TIMP3: variants seen among roughly 807,000 people sequenced by gnomAD.
The protein encoded by TIMP3 is metalloproteinase inhibitor 3.
In TIMP3, 11 loss-of-function variants were observed where a neutral mutation model predicts 30.0. That is an observed-to-expected ratio of 0.37 (90% CI 0.23 to 0.61). TIMP3 has a LOEUF of 0.61. Ranked by LOEUF, TIMP3 falls within the 20% of genes least tolerant of loss-of-function variation. The pLI is 0.70. For missense variants in TIMP3, 181 were observed against 276.8 expected (o/e 0.65, Z 2.45); for synonymous variants, 112 against 111.3 (o/e 1.01, Z -0.04).
At chr22:32,821,365 T>G (rs1267241625) in intron 1 of TIMP3, among the ~76,000 whole-genome samples, 1 of 152,226 alleles carries the variant, frequency 6.6e-6, no homozygotes, top group African/African-American at 2.4e-5. Context: ...CCATTGAAGA[T>G]CTGCACTTGC....
chr22:32,830,858 C>T (rs1175470189), intron 1 of TIMP3, among the ~76,000 whole-genome samples: 5 of 152,172 alleles, frequency 3.3e-5, no homozygotes, highest in East Asian at 1.9e-4. Context: ...TGATGGTCTT[C>T]GCTGGCACGT....
At chr22:32,840,295 GA>G (rs2047857543) in intron 1 of TIMP3, among the ~76,000 whole-genome samples, 1 of 152,148 alleles carries the variant, frequency 6.6e-6, no homozygotes, top group African/African-American at 2.4e-5. Context: ...AGTTAGTCAG[GA>G]CAGGCTTTGA....
intron 1 of TIMP3, among the ~76,000 whole-genome samples, chr22:32,808,692 C>G (rs751521031): frequency 2.2e-4 from 33 of 152,228 alleles, no homozygotes; most frequent in Non-Finnish European, 3.1e-4. Flanking sequence ...TCATTAACTT[C>G]TCATTCTCTA....
chr22:32,821,527 A>G (rs1386343026), intron 1 of TIMP3, among the ~76,000 whole-genome samples: 1 of 152,228 alleles, frequency 6.6e-6, no homozygotes, highest in Non-Finnish European at 1.5e-5. Flanking sequence ...TGGTTAACAG[A>G]CAGGGATGGA....
At position 32,861,816 on chromosome 22, in the gene TIMP3, A is replaced by G. The variant is rs768532165; in HGVS notation, c.*2439A>G. ...TTCACTTACTGTATAATTTAAAATCATTTATGTAGCTGAGACACTTCTGTA... is the reference window on the plus strand; with the variant it reads ...TTCACTTACTGTATAATTTAAAATCGTTTATGTAGCTGAGACACTTCTGTA... On this transcript the variant is annotated 3_prime_UTR_variant, in exon 5 of 5. Coordinates refer to ENST00000266085, the MANE Select transcript of TIMP3 (RefSeq NM_000362.5). 6.6e-6 allele frequency: 1 copy of G among 152,628 alleles called. No individual in the cohort carries two copies. The highest frequency in any genetic ancestry group is 1.5e-5 in the Non-Finnish European group (1 of 68,026). 9.5% of individuals were successfully genotyped at this position (152,628 alleles called of 1,614,324 possible).
At chr22:32,807,293 G>GATAT (rs5845033) in intron 1 of TIMP3, among the ~76,000 whole-genome samples, 4 of 124,798 alleles carry the variant, frequency 3.2e-5, no homozygotes, top group Admixed American at 2.0e-4. Context: ...TGGTTTGGAG[G>GATAT]ATATATATAT....
chr22:32,845,175 A>C (rs2146216531), intron 1 of TIMP3, among the ~76,000 whole-genome samples: 1 of 150,854 alleles, frequency 6.6e-6, no homozygotes, highest in Middle Eastern at 3.4e-3. Flanking sequence ...GTGCTTCTGT[A>C]CCTTGGAGAC....
At chr22:32,807,305 T>TAA (rs2046767677) in intron 1 of TIMP3, among the ~76,000 whole-genome samples, 2 of 127,566 alleles carry the variant, frequency 1.6e-5, no homozygotes, top group African/African-American at 3.0e-5. Context: ...TATATATATA[T>TAA]AAATATATAA....
chr22:32,858,495 A>AC (rs1490016678), intron 4 of TIMP3, among the ~76,000 whole-genome samples: 1 of 152,040 alleles, frequency 6.6e-6, no homozygotes. Flanking sequence ...AAGTGGGCTC[A>AC]CCCTGGTAGC....
chr22:32,809,588 G>A (rs1337869191), intron 1 of TIMP3, among the ~76,000 whole-genome samples: 2 of 152,080 alleles, frequency 1.3e-5, no homozygotes, highest in African/African-American at 4.8e-5. Flanking sequence ...ACAGTTATCC[G>A]ACACAATTTC....
intron 1 of TIMP3, among the ~76,000 whole-genome samples, chr22:32,835,983 G>C (rs574323356): frequency 3.3e-5 from 5 of 152,248 alleles, no homozygotes; most frequent in African/African-American, 9.6e-5. Context: ...CCCTATCTCC[G>C]CATTTCCAAT....
At chr22:32,851,997 G>T (rs1463247576) in intron 2 of TIMP3, among the ~76,000 whole-genome samples, 3 of 152,118 alleles carry the variant, frequency 2.0e-5, no homozygotes, top group Non-Finnish European at 4.4e-5. Context: ...ATGAACTGGG[G>T]ATACAAAGAT....
chr22:32,838,035 G>C (rs1255769927), intron 1 of TIMP3, among the ~76,000 whole-genome samples: 1 of 152,184 alleles, frequency 6.6e-6, no homozygotes, highest in Non-Finnish European at 1.5e-5. Flanking sequence ...GGCTGGCTGG[G>C]TGTGTCTGCT....
chr22:32,818,173 C>T (rs188308764), intron 1 of TIMP3, among the ~76,000 whole-genome samples: 1 of 152,358 alleles, frequency 6.6e-6, no homozygotes, highest in East Asian at 1.9e-4. Flanking sequence ...ACTGCCAGTT[C>T]AGTGGCTGCT....
rs1859976067 is a variant in TIMP3, at chr22:32,860,863, G to T, written c.*1486G>T. 6.6e-6 allele frequency: 1 copy of T among 150,926 alleles called. No individual in the cohort carries two copies. The highest frequency in any genetic ancestry group is 2.1e-4 in the South Asian group (1 of 4,794). 9.3% of individuals were successfully genotyped at this position (150,926 alleles called of 1,614,324 possible). On this transcript the variant is annotated 3_prime_UTR_variant, in exon 5 of 5. Transcript: ENST00000266085. ...CTCACCTCTTGGAATTAAAATTGTT[G>T]GTCACTGGGGAAAGCCTGAGTTTGC...
chr22:32,840,285 A>G (rs564608961), intron 1 of TIMP3, among the ~76,000 whole-genome samples: 7 of 152,314 alleles, frequency 4.6e-5, no homozygotes, highest in African/African-American at 1.7e-4. Flanking sequence ...TAACGGAAAG[A>G]GTTAGTCAGG....
chr22:32,838,629 A>T (rs1033154072), intron 1 of TIMP3, among the ~76,000 whole-genome samples: 1 of 151,994 alleles, frequency 6.6e-6, no homozygotes, highest in Admixed American at 6.6e-5. Context: ...AGTCTTCAAT[A>T]TTTTGGAACA....
At chr22:32,849,271 C>T (rs1360017635) in intron 1 of TIMP3, among the ~76,000 whole-genome samples, 181 bp from the exon 2 acceptor site, 1 of 152,122 alleles carries the variant, frequency 6.6e-6, no homozygotes, top group African/African-American at 2.4e-5. Context: ...TCTTTTTCCT[C>T]CAACCTCCCT....
At chr22:32,846,187 C>G (rs1221842900) in intron 1 of TIMP3, among the ~76,000 whole-genome samples, 2 of 152,132 alleles carry the variant, frequency 1.3e-5, no homozygotes, top group Non-Finnish European at 2.9e-5. Context: ...TCTTAGTAGG[C>G]AATTCTTGGG....
Sources: gnomAD v4.1 joint callset for allele counts (sites outside exome capture counted in the v4.1 genomes callset) on GRCh38, gnomAD v4.1.1 for gene constraint, MANE v1.5 for transcripts, NCBI Gene and HGNC (gene_info 2026-07-23, HGNC 2026-07-21) for gene names.